The following MADD variants were observed in gnomAD, a reference collection of about 807,000 sequenced individuals.
MADD encodes the protein MAP kinase-activating death domain protein.
MADD carries 109 observed loss-of-function variants against 176.7 expected under a neutral mutation model. The observed-to-expected ratio is 0.62, with a 90% CI of 0.53 to 0.72. The LOEUF (loss-of-function observed/expected upper bound fraction) is 0.72, where lower values mean the gene tolerates loss of function less well. Among genes scored for constraint, MADD ranks in the 30% least tolerant of loss-of-function variants. The pLI, the probability that MADD is intolerant of heterozygous loss-of-function variation, is 0.00. For missense variants in MADD, 1,914 were observed against 2,045.5 expected (o/e 0.94, Z 1.24); for synonymous variants, 771 against 771.3 (o/e 1.00, Z 0.01).
intron 4 of MADD, 92 bp from the exon 5 acceptor site, chr11:47,276,640 G>A: frequency 6.7e-7 from 1 of 1,497,650 alleles, no homozygotes; most frequent in Non-Finnish European, 9.2e-7. Flanking sequence ...TAGGCTCGAT[G>A]AAGTGGAAAC....
intron 15 of MADD, among the ~76,000 whole-genome samples, chr11:47,287,400 T>C (rs2061484707): frequency 6.6e-6 from 1 of 152,158 alleles, no homozygotes; most frequent in African/African-American, 2.4e-5. Flanking sequence ...TTTTCTGAAT[T>C]TGATTTTTTA....
chr11:47,294,387 G>T (rs1325774269), intron 20 of MADD, among the ~76,000 whole-genome samples: 1 of 150,534 alleles, frequency 6.6e-6, no homozygotes, highest in Non-Finnish European at 1.5e-5. Context: ...AAAATAGCCA[G>T]GTGCGGTGGT....
intron 7 of MADD, 36 bp from the exon 8 acceptor site, chr11:47,281,539 G>T (rs762899652): frequency 6.5e-7 from 1 of 1,550,114 alleles, no homozygotes; most frequent in Non-Finnish European, 8.8e-7. Flanking sequence ...GCCCAGGGAC[G>T]TTCCTTGTGT....
intron 7 of MADD, 106 bp from the exon 8 acceptor site, chr11:47,281,469 G>C (rs1347915998): frequency 3.5e-6 from 3 of 845,690 alleles, no homozygotes; most frequent in Non-Finnish European, 5.2e-6. Context: ...TTTTTGACCA[G>C]AGAATACGAG....
intron 1 of MADD, among the ~76,000 whole-genome samples, chr11:47,272,923 G>T (rs931905947): frequency 6.6e-6 from 1 of 152,216 alleles, no homozygotes; most frequent in Non-Finnish European, 1.5e-5. Flanking sequence ...AGTAGCAGTG[G>T]CCTCTGGGCT....
At chr11:47,302,275 G>A (rs185216243) in intron 22 of MADD, among the ~76,000 whole-genome samples, 1 of 151,992 alleles carries the variant, frequency 6.6e-6, no homozygotes, top group Non-Finnish European at 1.5e-5. Flanking sequence ...GTGCAGTGGC[G>A]CAATCTCCGC....
intron 1 of MADD, among the ~76,000 whole-genome samples, chr11:47,271,683 A>C (rs1265992273): frequency 6.6e-6 from 1 of 151,704 alleles, no homozygotes; most frequent in African/African-American, 2.4e-5. Flanking sequence ...ATTCTGTTTT[A>C]CTTTAAGATA....
In MADD at chr11:47,325,666, G is replaced by T. The variant is rs2095365950; in HGVS notation, c.4543-1072G>T. Among the ~76,000 whole-genome samples, 3 of 152,238 alleles carry T rather than the reference G, an allele frequency of 2.0e-5. No individual in the cohort carries two copies. Among genetic ancestry groups the T allele is most frequent in the Admixed American group, 2.0e-4 (3 of 15,276 alleles). ...GACCTTAGGACCATCCCAGAGAGGG[G>T]TCTACCTAAGTGCTTTTCTGGACCA... On this transcript the variant is annotated intron_variant, in intron 30 of 32. Transcript: ENST00000402192. The surrounding 1 kb of genome is among the most constrained non-coding windows in gnomAD (Gnocchi z 4.5).
intron 27 of MADD, among the ~76,000 whole-genome samples, chr11:47,321,500 G>C (rs1185142385): frequency 1.3e-5 from 2 of 152,292 alleles, no homozygotes; most frequent in African/African-American, 4.8e-5. Flanking sequence ...TAAGACAGAC[G>C]TGATTTCTAT....
chr11:47,275,242 T>A lies in MADD; in HGVS notation c.659+83T>A, dbSNP rs1040306517. On this transcript the variant is annotated intron_variant, in intron 3 of 32. Transcript: ENST00000402192. ...TCTTTGAGGGGCATAGGAAATTTCC[T>A]CTACAGCTCAAGGTCCTTCAGACCT... is the stretch of plus-strand genomic sequence containing the variant. 13 of 1,225,370 alleles carry A rather than the reference T, an allele frequency of 1.1e-5. No homozygotes were observed. In the African/African-American group the frequency reaches 2.0e-4, roughly 19 times the overall value. 75.9% of individuals were successfully genotyped at this position (1,225,370 alleles called of 1,614,324 possible).
At chr11:47,284,281 A>G (rs769664261) in exon 11 of MADD, 2 of 1,613,650 alleles carry the variant, frequency 1.2e-6, no homozygotes, top group Non-Finnish European at 1.7e-6. Context: ...TGATACTCCC[A>G]GTAAGTGTGC....
chr11:47,315,321 C>G, exon 27 of MADD: 1 of 1,608,934 alleles, frequency 6.2e-7, no homozygotes, highest in South Asian at 1.1e-5. Flanking sequence ...ATATCTTTTT[C>G]ATGGAGGTAG....
intron 19 of MADD, among the ~76,000 whole-genome samples, chr11:47,291,283 A>G (rs781659124): frequency 2.0e-5 from 3 of 152,094 alleles, no homozygotes; most frequent in African/African-American, 7.2e-5. Flanking sequence ...TGGCAACCCC[A>G]TTTCCCTGGG....
intron 22 of MADD, among the ~76,000 whole-genome samples, chr11:47,297,575 T>C (rs1233888126): frequency 1.3e-5 from 2 of 151,390 alleles, no homozygotes; most frequent in African/African-American, 4.9e-5. Context: ...GCCTCCCAAG[T>C]AGCTGGGACT....
chr11:47,274,949 C>G (rs757187543), exon 3 of MADD: 5 of 1,613,996 alleles, frequency 3.1e-6, no homozygotes, highest in Non-Finnish European at 4.2e-6. Flanking sequence ...GCTGACTCTA[C>G]CCCTGATGTG....
chr11:47,296,641 TAA>T (rs2072257484), intron 22 of MADD, among the ~76,000 whole-genome samples: 2 of 152,204 alleles, frequency 1.3e-5, no homozygotes, highest in South Asian at 4.1e-4. Flanking sequence ...TAGTCTCTTC[TAA>T]TAGGTGAGGG....
At chr11:47,324,013 A>G in intron 28 of MADD, 178 bp downstream of exon 31, 1 of 690,472 alleles carries the variant, frequency 1.4e-6, no homozygotes, top group East Asian at 2.7e-5. Flanking sequence ...TAGTAGTCAC[A>G]ATCGGTATTA....
chr11:47,286,237 G>C (rs1296581642), intron 14 of MADD, among the ~76,000 whole-genome samples, 196 bp from the exon 15 acceptor site: 1 of 152,190 alleles, frequency 6.6e-6, no homozygotes, highest in Non-Finnish European at 1.5e-5. Flanking sequence ...ACTGGGTTTT[G>C]GCTGATCCTG....
exon 3 of MADD, chr11:47,274,764 C>T (rs148291205): frequency 1.9e-6 from 3 of 1,614,108 alleles, no homozygotes; most frequent in African/African-American, 2.7e-5. Flanking sequence ...ACACTGGAGT[C>T]ACGCGATATG....
Sources: allele counts gnomAD v4.1 joint callset (sites outside exome capture counted in the v4.1 genomes callset), GRCh38; gene constraint gnomAD v4.1.1; non-coding constraint Gnocchi (gnomAD v3.1); transcripts MANE v1.5; gene names NCBI Gene and HGNC (gene_info 2026-07-23, HGNC 2026-07-21).